IRF2BP2: variants seen among roughly 807,000 people sequenced by gnomAD.
IRF2BP2 encodes the protein interferon regulatory factor 2 binding protein 2.
IRF2BP2 carries 13 observed loss-of-function variants against 32.7 expected under a neutral mutation model. That is an observed-to-expected ratio of 0.40 (90% CI 0.26 to 0.63). The LOEUF is 0.63. Among genes scored for constraint, IRF2BP2 ranks in the 30% least tolerant of loss-of-function variants. The probability of loss-of-function intolerance (pLI) is 0.42; values close to 1 mark genes in which losing one functional copy is unlikely to be tolerated. For missense variants in IRF2BP2, 980 were observed against 830.6 expected (o/e 1.18, Z -2.21); for synonymous variants, 555 against 384.6 (o/e 1.44, Z -5.18).
At chr1:234,608,230 G>A (rs752979828) in intron 1 of IRF2BP2, 2 of 536,950 alleles carry the variant, frequency 3.7e-6, no homozygotes, top group Non-Finnish European at 6.5e-6. Context: ...AAAACCCCGT[G>A]TCAGAGCGTA....
chr1:234,607,172 C>T lies in IRF2BP2; in HGVS notation c.1729G>A (p.Gly577Arg). The change falls in exon 2 of 2, where the codon GGA becomes AGA. Residue 577 changes from glycine (G) to arginine (R), a missense_variant. Transcript: ENST00000366609. ...CTCTCTTTTTTCACTTTCACATCTC[C>T]AGCAAGGATGGTTGCAATTTCCCCT... is the stretch of plus-strand genomic sequence containing the variant. ...MQGEIATILA[G>R]DVKVKKERDS 6.2e-7 allele frequency: 1 copy of T among 1,611,980 alleles called. No individual in the cohort carries two copies. The highest frequency in any genetic ancestry group is 8.5e-7 in the Non-Finnish European group (1 of 1,178,234).
In IRF2BP2 at chr1:234,607,836, C is replaced by T. The variant is rs1385003882; in HGVS notation, c.1065G>A (p.Arg355=). 6.3e-7 allele frequency: 1 copy of T among 1,576,268 alleles called. No individual in the cohort carries two copies. The highest frequency in any genetic ancestry group is 8.6e-7 in the Non-Finnish European group (1 of 1,160,824). The change falls in exon 2 of 2, where the codon AGG becomes AGA. Residue 355 remains arginine, a synonymous_variant. Transcript: ENST00000366609. ...NGSKAVARTA[R]KRKPSPEPEG... ...CTGGTTCTGGAGAGGGCTTCCTTTT[C>T]CTTGCTGTTCTTGCAACTGGAAACA...
chr1:234,605,334 G>A lies in IRF2BP2; in HGVS notation c.*1803C>T, dbSNP rs548548794. On this transcript the variant is annotated 3_prime_UTR_variant, in exon 2 of 2. Coordinates refer to ENST00000366609, the MANE Select transcript of IRF2BP2 (RefSeq NM_182972.3). ...TATATACTCCAACTTGAAAAAGTAA[G>A]TGTAACAACTGGTTAATCATGCAAG... 3 of 152,352 alleles carry A rather than the reference G, an allele frequency of 2.0e-5. No individual in the cohort carries two copies. The East Asian group carries it at 5.8e-4, about 29-fold the overall frequency. The allele number at this position is 152,352 out of a possible 1,614,324, so 9.4% of individuals were successfully genotyped here.
At chr1:234,608,332 T>TG (rs1233596477) in intron 1 of IRF2BP2, 115 bp downstream of exon 1, 2 of 842,340 alleles carry the variant, frequency 2.4e-6, no homozygotes, top group Admixed American at 3.3e-5. Flanking sequence ...GATCAGGAAG[T>TG]GGGGTGTTTG....
Position 234,609,515 on chromosome 1 carries a change from CGGAGGAGGA to C in IRF2BP2, c.-30_-22del, listed in dbSNP as rs765673830. The C allele has an allele frequency of 2.1e-6, 3 of 1,430,882 alleles. No individual in the cohort carries two copies. Among genetic ancestry groups the C allele is most frequent in the East Asian group, 6.1e-5 (2 of 32,696 alleles). 88.6% of individuals were successfully genotyped at this position (1,430,882 alleles called of 1,614,324 possible). On this transcript the variant is annotated 5_prime_UTR_variant, in exon 1 of 2. Transcript: ENST00000366609. ...GCCATGTCCGAGGAGCCCGCGACGCCGGAGGAGGAGGCGGAGGAGGAGGAGGGGGCGCCG... is the reference window on the plus strand; with the variant it reads ...GCCATGTCCGAGGAGCCCGCGACGCCGGCGGAGGAGGAGGAGGGGGCGCCG...
At position 234,609,025 on chromosome 1, in the gene IRF2BP2, A is replaced by G. The variant is rs1344360705; in HGVS notation, c.470T>C (p.Leu157Pro). ...TAGCTTGGAGAAGCCGTTGGGCACCAGGATGCCGTTCACGGGCGGCGGCTG... is the reference window on the plus strand; with the variant it reads ...TAGCTTGGAGAAGCCGTTGGGCACCGGGATGCCGTTCACGGGCGGCGGCTG... ...TPQPPPVNGI[L>P]VPNGFSKLEE... Residue 157 changes from leucine to proline, a missense_variant, in exon 1 of 2, where the codon CTG becomes CCG. Coordinates refer to ENST00000366609, the MANE Select transcript of IRF2BP2 (RefSeq NM_182972.3). 7.6e-7 allele frequency: 1 copy of G among 1,321,954 alleles called. No individual in the cohort carries two copies. The highest frequency in any genetic ancestry group is 9.6e-7 in the Non-Finnish European group (1 of 1,038,772). The allele number at this position is 1,321,954 out of a possible 1,614,324, so 81.9% of individuals were successfully genotyped here.
rs555894134 is a variant in IRF2BP2, at chr1:234,607,365, C to T, written c.1536G>A (p.Arg512=). 5 of 1,614,190 alleles carry T rather than the reference C, an allele frequency of 3.1e-6. No individual in the cohort carries two copies. In the South Asian group the frequency reaches 4.4e-5, roughly 14 times the overall value. Residue 512 remains arginine (R), a synonymous_variant, in exon 2 of 2, where the codon CGG becomes CGA. Transcript: ENST00000366609. ...ACTGCACAAAATGGGTGTCCTCCAG[C>T]CGCTCGTGGCAGAGGGTGCAGCACA... ...APLCCTLCHE[R]LEDTHFVQCP... is the part of the protein sequence containing the mutation.
Position 234,607,424 on chromosome 1 carries a change from G to A in IRF2BP2, c.1477C>T (p.Leu493Phe), listed in dbSNP as rs1253406615. Residue 493 changes from leucine to phenylalanine, a missense_variant, in exon 2 of 2, where the codon CTC (leucine) becomes TTC (phenylalanine). Physicochemically the swap from Leu to Phe is conservative, Grantham distance 22. Coordinates refer to ENST00000366609, the MANE Select transcript of IRF2BP2 (RefSeq NM_182972.3). Reference sequence around the variant, plus strand: ...CTGGTTGCCAGAGAGGAGTCCGGGAGGCTGGCAGGGTGCACTGGCTCCAGT... The same window carrying A: ...CTGGTTGCCAGAGAGGAGTCCGGGAAGCTGGCAGGGTGCACTGGCTCCAGT... ...GGLEPVHPAS[L>F]PDSSLATSAP... 1.2e-6 allele frequency: 2 copies of A among 1,614,018 alleles called. No homozygotes were observed. The highest frequency in any genetic ancestry group is 8.5e-7 in the Non-Finnish European group (1 of 1,179,872).
At position 234,609,185 on chromosome 1, in the gene IRF2BP2, G is replaced by A. The variant is rs1048635294; in HGVS notation, c.310C>T (p.Pro104Ser). The change falls in exon 1 of 2, where the codon CCC becomes TCC. Residue 104 changes from proline (P) to serine (S), a missense_variant. Transcript: ENST00000366609. ...TGCGGCGCGCGCGGGGCCGCCTCGG[G>A]GCCGCCGTGGCCAAGCTGCTGCTGC... ...QQQQQLGHGG[P>S]EAAPRAPQAL... 20 of 1,297,566 alleles carry A rather than the reference G, an allele frequency of 1.5e-5. No individual in the cohort carries two copies. Among genetic ancestry groups the A allele is most frequent in the Non-Finnish European group, 1.8e-5 (19 of 1,027,422 alleles). 80.4% of individuals were successfully genotyped at this position (1,297,566 alleles called of 1,614,324 possible).
chr1:234,607,029 G>T lies in IRF2BP2; in HGVS notation c.*108C>A, dbSNP rs1400375515. On this transcript the variant is annotated 3_prime_UTR_variant, in exon 2 of 2. Coordinates refer to ENST00000366609, the MANE Select transcript of IRF2BP2 (RefSeq NM_182972.3). ...ATCAAAATTATACAGCCATGTTTAT[G>T]AAGTCTACATTTCCCTTGTCTTGGA... 7.2e-6 allele frequency: 6 copies of T among 829,386 alleles called. No homozygotes were observed. Among genetic ancestry groups the T allele is most frequent in the Non-Finnish European group, 1.1e-5 (6 of 525,856 alleles). 51.4% of individuals were successfully genotyped at this position (829,386 alleles called of 1,614,324 possible). A position where few individuals can be genotyped will look rare whatever the true frequency, so the allele number is the denominator to read the frequency against.
At position 234,609,273 on chromosome 1, in the gene IRF2BP2, G is replaced by A. The variant is rs779898229; in HGVS notation, c.222C>T (p.Gly74=). Residue 74 remains glycine (G), a synonymous_variant, in exon 1 of 2, where the codon GGC becomes GGT. Coordinates refer to ENST00000366609, the MANE Select transcript of IRF2BP2 (RefSeq NM_182972.3). ...GCFPEGRSPP[G]AAASAAAKPP... ...GCTTGGCGGCGGCCGAGGCCGCGGC[G>A]CCGGGTGGGGAGCGACCCTCCGGGA... 4 of 1,402,900 alleles carry A rather than the reference G, an allele frequency of 2.9e-6. No homozygotes were observed. In the South Asian group the frequency reaches 4.7e-5, roughly 16 times the overall value. 86.9% of individuals were successfully genotyped at this position (1,402,900 alleles called of 1,614,324 possible). A position where few individuals can be genotyped will look rare whatever the true frequency, so the allele number is the denominator to read the frequency against.
Position 234,607,545 on chromosome 1 carries a change from C to T in IRF2BP2, c.1356G>A (p.Arg452=), listed in dbSNP as rs1050469403. The change falls in exon 2 of 2, where the codon AGG becomes AGA. Residue 452 remains arginine (R), a synonymous_variant. Transcript: ENST00000366609. ...KDANQVHSTT[R]RNSNSPPSPS... ...GAGAGGGCGGACTGTTGCTATTCCTCCTGGTAGTGGAGTGAACCTGGTTGG... is the reference window on the plus strand; with the variant it reads ...GAGAGGGCGGACTGTTGCTATTCCTTCTGGTAGTGGAGTGAACCTGGTTGG... The T allele has an allele frequency of 2.5e-6, 4 of 1,614,098 alleles. No individual in the cohort carries two copies. The highest frequency in any genetic ancestry group is 1.3e-5 in the African/African-American group (1 of 74,926).
Position 234,608,589 on chromosome 1 carries a change from G to C in IRF2BP2, c.906C>G (p.Pro302=), listed in dbSNP as rs745634272. The part of the protein sequence containing the change: ...GSGEQDWVNR[P]KTVRDTLLAL... Reference sequence around the variant, plus strand: ...CCAGCAGCGTGTCGCGCACGGTCTTGGGCCTGTTGACCCAGTCCTGCTCTC... The same window carrying C: ...CCAGCAGCGTGTCGCGCACGGTCTTCGGCCTGTTGACCCAGTCCTGCTCTC... The change falls in exon 1 of 2, where the codon CCC becomes CCG. Residue 302 remains proline, a synonymous_variant. Transcript: ENST00000366609. The C allele has an allele frequency of 6.2e-7, 1 of 1,604,722 alleles. No individual in the cohort carries two copies. The highest frequency in any genetic ancestry group is 8.5e-7 in the Non-Finnish European group (1 of 1,176,714).
At chr1:234,608,251 C>G (rs1053202845) in intron 1 of IRF2BP2, among the ~76,000 whole-genome samples, 196 bp downstream of exon 1, 4 of 152,230 alleles carry the variant, frequency 2.6e-5, no homozygotes, top group African/African-American at 7.2e-5. Flanking sequence ...TCAGCCCAGT[C>G]TGACTCATCT....
At chr1:234,607,957 CCT>C in intron 1 of IRF2BP2, 105 bp from the exon 2 acceptor site, 1 of 901,306 alleles carries the variant, frequency 1.1e-6, no homozygotes, top group Admixed American at 2.9e-5. Context: ...CAGAATTCCT[CCT>C]CTCTAAAAGC....
rs1015105257 is a variant in IRF2BP2, at chr1:234,605,661, C to T, written c.*1476G>A. 2.6e-5 allele frequency: 4 copies of T among 152,096 alleles called. No homozygotes were observed. The highest frequency in any genetic ancestry group is 5.9e-5 in the Non-Finnish European group (4 of 68,016). The allele number at this position is 152,096 out of a possible 1,614,324, so 9.4% of individuals were successfully genotyped here. On this transcript the variant is annotated 3_prime_UTR_variant, in exon 2 of 2. Coordinates refer to ENST00000366609, the MANE Select transcript of IRF2BP2 (RefSeq NM_182972.3). Reference sequence around the variant, plus strand: ...CCATAATTCAGCCTAATTATAAGGCCAAGTTACAAACACCTGAACGTAAGG... The same window carrying T: ...CCATAATTCAGCCTAATTATAAGGCTAAGTTACAAACACCTGAACGTAAGG...
Position 234,607,537 on chromosome 1 carries a change from C to T in IRF2BP2, c.1364G>A (p.Ser455Asn), listed in dbSNP as rs780856249. ...NQVHSTTRRNSNSPPSPSSMN... is the reference protein window; with the variant it reads ...NQVHSTTRRNNNSPPSPSSMN... ...AGAGGACGGAGAGGGCGGACTGTTGCTATTCCTCCTGGTAGTGGAGTGAAC... is the reference window on the plus strand; with the variant it reads ...AGAGGACGGAGAGGGCGGACTGTTGTTATTCCTCCTGGTAGTGGAGTGAAC... The change falls in exon 2 of 2, where the codon AGC becomes AAC. Residue 455 changes from serine (S) to asparagine (N), a missense_variant. By Grantham distance (46) the Ser-to-Asn change is conservative. Transcript: ENST00000366609. 9 of 1,614,228 alleles carry T rather than the reference C, an allele frequency of 5.6e-6. No homozygotes were observed. The highest frequency in any genetic ancestry group is 6.8e-6 in the Non-Finnish European group (8 of 1,180,036).
chr1:234,608,388 T>TCC lies in IRF2BP2; in HGVS notation c.1048+57_1048+58dup, dbSNP rs1392166510. On this transcript the variant is annotated intron_variant, in intron 1 of 1. Transcript: ENST00000366609. ...AATGGTGAATCCAAAGAACCACCCT[T>TCC]CCTCTGCTCTCCGTCCCCTTTTCTC... is the stretch of plus-strand genomic sequence containing the variant. The TCC allele has an allele frequency of 3.1e-6, 4 of 1,311,386 alleles. No homozygotes were observed. The African/African-American group carries it at 6.2e-5, about 20-fold the overall frequency. 81.2% of individuals were successfully genotyped at this position (1,311,386 alleles called of 1,614,324 possible).
rs1003856547 is a variant in IRF2BP2, at chr1:234,609,200, G to A, written c.295C>T (p.Leu99Phe). Residue 99 changes from leucine to phenylalanine, a missense_variant, in exon 1 of 2, where the codon CTT becomes TTT. Physicochemically the swap from Leu to Phe is conservative, Grantham distance 22 (BLOSUM62 0). Coordinates refer to ENST00000366609, the MANE Select transcript of IRF2BP2 (RefSeq NM_182972.3). Reference protein sequence around the residue: ...KDILLQQQQQLGHGGPEAAPR... With the variant: ...KDILLQQQQQFGHGGPEAAPR... ...GCCGCCTCGGGGCCGCCGTGGCCAA[G>A]CTGCTGCTGCTGCTGCAAAAGGATG... 1.2e-5 allele frequency: 16 copies of A among 1,281,712 alleles called. No homozygotes were observed. The highest frequency in any genetic ancestry group is 1.5e-5 in the Non-Finnish European group (15 of 1,019,704). 79.4% of individuals were successfully genotyped at this position (1,281,712 alleles called of 1,614,324 possible). A position where few individuals can be genotyped will look rare whatever the true frequency, so the allele number is the denominator to read the frequency against.
Sources: gnomAD v4.1 joint callset for allele counts (sites outside exome capture counted in the v4.1 genomes callset) on GRCh38, gnomAD v4.1.1 for gene constraint, MANE v1.5 for transcripts, NCBI Gene and HGNC (gene_info 2026-07-23, HGNC 2026-07-21) for gene names.